The following NEB variants were observed in gnomAD, a reference collection of about 807,000 sequenced individuals.
The protein encoded by NEB is nebulin, also known as nemaline myopathy type 2.
NEB carries 512 observed loss-of-function variants against 952.2 expected under a neutral mutation model. The observed-to-expected ratio is 0.54, with a 90% CI of 0.50 to 0.58. The LOEUF (loss-of-function observed/expected upper bound fraction) is 0.58. Ranked by LOEUF, NEB falls within the 20% of genes least tolerant of loss-of-function variation. The probability of loss-of-function intolerance (pLI) is 0.00; values close to 1 mark genes in which losing one functional copy is unlikely to be tolerated. For synonymous variants in NEB, 2,900 were observed against 3,149.8 expected (o/e 0.92, Z 2.66); for missense variants, 8,428 against 9,231.1 (o/e 0.91, Z 3.56).
At chr2:151,504,640 C>G (rs905956888) in intron 165 of NEB, among the ~76,000 whole-genome samples, 2 of 152,210 alleles carry the variant, frequency 1.3e-5, no homozygotes, top group African/African-American at 4.8e-5. Flanking sequence ...AATCCCAAGA[C>G]CAAGGTCCTC....
intron 130 of NEB, 107 bp from the exon 131 acceptor site, chr2:151,548,522 TTTAAGGA>T (rs2094980573): frequency 2.5e-6 from 2 of 796,014 alleles, no homozygotes; most frequent in African/African-American, 3.4e-5. Context: ...AATTGCTCTT[TTTAAGGA>T]TTAAGTATGT....
rs143330412 is a variant in NEB at position 151,623,626 on chromosome 2, A to C, written c.10452+1908T>G. ...ATAAAGTGGATTATTAAGATGTGTC[A>C]GTTTATAGTCTTTTCAAGATGAGAT... On this transcript the variant is annotated intron_variant, in intron 71 of 181. Coordinates refer to ENST00000397345, the MANE Select transcript of NEB (RefSeq NM_001164508.2). 1.0e-3 allele frequency among the ~76,000 whole-genome samples: 153 copies of C among 152,228 alleles called. 1 individual carries two copies. The highest frequency in any genetic ancestry group is 3.5e-3 in the African/African-American group (147 of 41,570).
chr2:151,552,004 C>T (rs559501599), intron 128 of NEB, among the ~76,000 whole-genome samples, 159 bp from the exon 129 acceptor site: 28 of 152,252 alleles, frequency 1.8e-4, no homozygotes, highest in African/African-American at 6.7e-4. Flanking sequence ...TGGACACTCA[C>T]ACTGAGAAAC....
At chr2:151,604,207 CTCTT>C (rs1391861629) in intron 85 of NEB, among the ~76,000 whole-genome samples, 2 of 119,518 alleles carry the variant, frequency 1.7e-5, no homozygotes, top group Non-Finnish European at 1.7e-5. Context: ...CCATCTCTCT[CTCTT>C]TCTGTGTCAA....
chr2:151,560,493 C>T (rs1339880057), intron 124 of NEB, 99 bp downstream of exon 124: 2 of 958,724 alleles, frequency 2.1e-6, no homozygotes, highest in African/African-American at 1.8e-5. Context: ...GCTAGGGGTA[C>T]TTCTGGACAA....
Position 151,724,877 on chromosome 2 carries a change from C to A in NEB, c.487G>T (p.Val163Leu), listed in dbSNP as rs1204386347. The change falls in exon 7 of 182, where the codon GTG (valine) becomes TTG (leucine). Residue 163 changes from valine to leucine, a missense_variant. Around this residue, in one of 11 missense-constraint regions of NEB, gnomAD observed 2,851 missense variants for 2,791.5 expected, o/e 1.02. Transcript: ENST00000397345. ...KAKDIEHAKK[V>L]SQQVSKVLYK... ...CTTACCTTACTGACTTGCTGCGACA[C>A]TTTCTTTGCATGTTCAATATCCTTT... is the stretch of plus-strand genomic sequence containing the variant. 1.2e-6 allele frequency: 2 copies of A among 1,613,680 alleles called. No homozygotes were observed. The highest frequency in any genetic ancestry group is 1.7e-6 in the Non-Finnish European group (2 of 1,179,746).
chr2:151,558,241 A>G (rs2095794960), intron 124 of NEB, among the ~76,000 whole-genome samples: 1 of 152,216 alleles, frequency 6.6e-6, no homozygotes, highest in African/African-American at 2.4e-5. Context: ...AGAGAGCCAA[A>G]TCATGAGTGA....
rs2096588631 is a variant in NEB, at chr2:151,570,563, G to A, written c.17052C>T (p.Gly5684=). Residue 5684 remains glycine, a synonymous_variant, in exon 108 of 182, where the codon GGC becomes GGT. Coordinates refer to ENST00000397345, the MANE Select transcript of NEB (RefSeq NM_001164508.2). The part of the protein sequence containing the change: ...YREGWDEMKA[G]CDVRLDAIPI... ...GGATGGCATCCAGCCGGACATCACA[G>A]CCCGCCTTCATTTCATCCCAGCCCT... 1.2e-6 allele frequency: 2 copies of A among 1,606,730 alleles called. No homozygotes were observed. The highest frequency in any genetic ancestry group is 8.5e-7 in the Non-Finnish European group (1 of 1,176,722).
chr2:151,618,677 G>A (rs1350470286), intron 73 of NEB, among the ~76,000 whole-genome samples, 199 bp from the exon 74 acceptor site: 6 of 152,118 alleles, frequency 3.9e-5, no homozygotes, highest in Admixed American at 2.0e-4. Flanking sequence ...GAGGAGTACA[G>A]CAAGAATGAT....
Position 151,562,749 on chromosome 2 carries a change from C to T in NEB, c.18753G>A (p.Met6251Ile). 1 of 1,599,746 alleles carries T rather than the reference C, an allele frequency of 6.3e-7. No homozygotes were observed. Among genetic ancestry groups the T allele is most frequent in the African/African-American group, 1.3e-5 (1 of 74,824 alleles). ...ACCTTTTAGCCAGCACGTGATTCATCATGTCATTGGGGATATGAACATTTG... is the reference window on the plus strand; with the variant it reads ...ACCTTTTAGCCAGCACGTGATTCATTATGTCATTGGGGATATGAACATTTG... The part of the protein sequence containing the change: ...TKANVHIPND[M>I]MNHVLAKRCQ... The change falls in exon 120 of 182, where the codon ATG becomes ATA. Residue 6251 changes from methionine to isoleucine, a missense_variant. By Grantham distance (10) the Met-to-Ile change is conservative. Transcript: ENST00000397345.
intron 173 of NEB, 132 bp downstream of exon 173, chr2:151,496,144 A>T: frequency 9.6e-7 from 1 of 1,045,018 alleles, no homozygotes; most frequent in South Asian, 1.5e-5. Context: ...AAAGGAAAAA[A>T]GGGTAAATTT....
chr2:151,661,274 A>G (rs747822944), intron 46 of NEB, among the ~76,000 whole-genome samples: 5 of 152,200 alleles, frequency 3.3e-5, no homozygotes, highest in Non-Finnish European at 5.9e-5. Context: ...TAAATCTTAA[A>G]AGAGGCACAG....
At chr2:151,721,089 T>G (rs928718633) in intron 9 of NEB, among the ~76,000 whole-genome samples, 33 of 152,170 alleles carry the variant, frequency 2.2e-4, no homozygotes, top group Admixed American at 2.6e-4. Flanking sequence ...GGCTCCAATA[T>G]CCAATGCCAT....
intron 71 of NEB, 131 bp from the exon 72 acceptor site, chr2:151,621,157 CT>C (rs2098407942): frequency 3.2e-6 from 2 of 634,850 alleles, no homozygotes; most frequent in Non-Finnish European, 5.5e-6. Context: ...AGAAAAAGAA[CT>C]CTTTCTTTTA....
At chr2:151,695,354 A>G (rs1050921107) in intron 18 of NEB, among the ~76,000 whole-genome samples, 5 of 152,208 alleles carry the variant, frequency 3.3e-5, no homozygotes, top group Non-Finnish European at 7.3e-5. Context: ...TTACAATACT[A>G]TATATTACGA....
chr2:151,709,320 T>C (rs2099736813), intron 12 of NEB, among the ~76,000 whole-genome samples: 1 of 152,176 alleles, frequency 6.6e-6, no homozygotes, highest in African/African-American at 2.4e-5. Context: ...GCCCTTCCAG[T>C]GAGAAGACAC....
At chr2:151,666,041 T>A in intron 41 of NEB, 49 bp downstream of exon 41, 1 of 1,545,188 alleles carries the variant, frequency 6.5e-7, no homozygotes, top group Non-Finnish European at 8.8e-7. Flanking sequence ...CTCCTGTTTT[T>A]TCCTCCCACC....
At chr2:151,693,611 G>A (rs908182367) in intron 20 of NEB, among the ~76,000 whole-genome samples, 5 of 152,162 alleles carry the variant, frequency 3.3e-5, no homozygotes, top group African/African-American at 1.2e-4. Context: ...CCATTTTATG[G>A]CTGCACAGTA....
chr2:151,678,288 T>C, intron 32 of NEB, 101 bp from the exon 33 acceptor site: 1 of 672,124 alleles, frequency 1.5e-6, no homozygotes. Context: ...CAAAAATTAC[T>C]GTACTTCAAT....
Sources: allele counts gnomAD v4.1 joint callset (sites outside exome capture counted in the v4.1 genomes callset), GRCh38; gene constraint gnomAD v4.1.1; regional missense constraint gnomAD v4.1.1; transcripts MANE v1.5; gene names NCBI Gene and HGNC (gene_info 2026-07-23, HGNC 2026-07-21).